AGPAT3: variants seen among roughly 807,000 people sequenced by gnomAD.
AGPAT3 encodes the protein 1-acylglycerol-3-phosphate O-acyltransferase 3, also known as 1-acyl-sn-glycerol-3-phosphate acyltransferase gamma.
A neutral mutation model predicts 47.3 loss-of-function variants in AGPAT3; 5 were observed. That is an observed-to-expected ratio of 0.11 (90% CI 0.06 to 0.22). The LOEUF (loss-of-function observed/expected upper bound fraction) is 0.22. AGPAT3 is among the 10% of genes least tolerant of loss of function. The pLI is 1.00. For missense variants in AGPAT3, 315 were observed against 493.0 expected (o/e 0.64, Z 3.42); for synonymous variants, 212 against 208.3 (o/e 1.02, Z -0.15).
intron 2 of AGPAT3, among the ~76,000 whole-genome samples, chr21:43,936,409 G>A (rs1050615366): frequency 2.6e-5 from 4 of 152,236 alleles, no homozygotes; most frequent in African/African-American, 4.8e-5. Context: ...GCTGTCCTCC[G>A]TGGGGCCAGT....
chr21:43,885,352 A>C (rs2145890871), intron 1 of AGPAT3, among the ~76,000 whole-genome samples: 1 of 150,062 alleles, frequency 6.7e-6, no homozygotes, highest in East Asian at 1.9e-4. Context: ...TTTCAATTAC[A>C]ATTTTTTTTC....
chr21:43,895,265 C>T (rs2086189760), intron 1 of AGPAT3, among the ~76,000 whole-genome samples: 3 of 151,786 alleles, frequency 2.0e-5, no homozygotes, highest in Non-Finnish European at 4.4e-5. Flanking sequence ...CCACCATGCC[C>T]AGCTAATTTT....
At position 43,931,949 on chromosome 21, in the gene AGPAT3, G is replaced by A. The variant is rs1293322810; in HGVS notation, c.-48-27685G>A. 7.3e-5 allele frequency among the ~76,000 whole-genome samples: 11 copies of A among 151,008 alleles called. 1 individual carries two copies. The highest frequency in any genetic ancestry group is 3.0e-5 in the Non-Finnish European group (2 of 67,676). On this transcript the variant is annotated intron_variant, in intron 2 of 9. Transcript: ENST00000291572. ...TGTGTGTGTGTGTGTGTGTGTGTGT[G>A]TGTGTGTGTGTGTGTGTCTACCTAC...
chr21:43,973,369 A>G (rs2089474918), intron 7 of AGPAT3, among the ~76,000 whole-genome samples: 1 of 152,184 alleles, frequency 6.6e-6, no homozygotes, highest in Admixed American at 6.5e-5. Context: ...CCTGTGCCAG[A>G]TCCTGGCCAC....
rs1291027426 is a variant in AGPAT3 at position 43,987,036 on chromosome 21, GC to G, written c.*4645del. 6.6e-6 allele frequency among the ~76,000 whole-genome samples: 1 copy of G among 152,248 alleles called. No homozygotes were observed. The highest frequency in any genetic ancestry group is 1.5e-5 in the Non-Finnish European group (1 of 68,048). ...CACAGGCAGGTGTGCGCCTGCCCGA[GC>G]GCGAGTAGCTCTTGTGTAGTGGTGA... On this transcript the variant is annotated 3_prime_UTR_variant, in exon 10 of 10. Coordinates refer to ENST00000291572, the MANE Select transcript of AGPAT3 (RefSeq NM_020132.5).
chr21:43,902,028 T>A (rs1601256413), intron 1 of AGPAT3, among the ~76,000 whole-genome samples: 1 of 152,108 alleles, frequency 6.6e-6, no homozygotes, highest in Non-Finnish European at 1.5e-5. Context: ...ATGGCTAGAA[T>A]TTTTCCAGAT....
intron 2 of AGPAT3, among the ~76,000 whole-genome samples, chr21:43,944,013 G>A (rs916544278): frequency 1.3e-5 from 2 of 152,184 alleles, no homozygotes; most frequent in Non-Finnish European, 2.9e-5. Flanking sequence ...CAAGGGTCCC[G>A]GCAGAGCTGG....
At position 43,985,060 on chromosome 21, in the gene AGPAT3, G is replaced by T; in HGVS notation, c.*2668G>T. 1 of 453,516 alleles carries T rather than the reference G, an allele frequency of 2.2e-6. No individual in the cohort carries two copies. The allele number at this position is 453,516 out of a possible 1,614,324, so 28.1% of individuals were successfully genotyped here. A position where few individuals can be genotyped will look rare whatever the true frequency, so the allele number is the denominator to read the frequency against. ...GGCGCCACACTGGAGGCTCCCAGGC[G>T]GGAGGGCCCAGGCCCACCCACGGGC... is the stretch of plus-strand genomic sequence containing the variant. On this transcript the variant is annotated 3_prime_UTR_variant, in exon 10 of 10. Transcript: ENST00000291572.
chr21:43,887,453 AG>A lies in AGPAT3; in HGVS notation c.-111-16503del, dbSNP rs2086005870. Among the ~76,000 whole-genome samples the A allele has an allele frequency of 2.0e-5, 3 of 152,322 alleles. No homozygotes were observed. In the South Asian group the frequency reaches 6.2e-4, roughly 32 times the overall value. ...TCAGGGACTAAGGGTTAATTTTCTT[AG>A]TGTGCTAATTTTATTGTGATGATGA... On this transcript the variant is annotated intron_variant, in intron 1 of 9. Coordinates refer to ENST00000291572, the MANE Select transcript of AGPAT3 (RefSeq NM_020132.5).
intron 2 of AGPAT3, among the ~76,000 whole-genome samples, chr21:43,906,571 G>A (rs544138440): frequency 6.6e-6 from 1 of 152,234 alleles, no homozygotes; most frequent in East Asian, 1.9e-4. Context: ...GGTGGGATGG[G>A]GCGTGATGGG....
intron 8 of AGPAT3, among the ~76,000 whole-genome samples, chr21:43,980,268 TC>T (rs1231447495): frequency 8.3e-6 from 1 of 120,410 alleles, no homozygotes; most frequent in Non-Finnish European, 1.6e-5. Context: ...AGAGTGAGAC[TC>T]CATCTCAAAA....
At chr21:43,916,215 A>C (rs2086725354) in intron 2 of AGPAT3, 1 of 152,214 alleles carries the variant, frequency 6.6e-6, no homozygotes, top group African/African-American at 2.4e-5. Context: ...GTTCTCTCTT[A>C]CCAAGTACAG....
rs1027245802 is a variant in AGPAT3, at chr21:43,952,557, G to A, written c.-48-7077G>A. ...CCTGATCTAAGAAGGTGCACACCCC[G>A]GTAGCTTGTGCAGGGGCCAGGACAA... On this transcript the variant is annotated intron_variant, in intron 2 of 9. Coordinates refer to ENST00000291572, the MANE Select transcript of AGPAT3 (RefSeq NM_020132.5). This position sits in a 1 kb window ranked among gnomAD's most constrained non-coding sequence, Gnocchi z 5.6. Among the ~76,000 whole-genome samples the A allele has an allele frequency of 6.6e-6, 1 of 152,152 alleles. No individual in the cohort carries two copies. The highest frequency in any genetic ancestry group is 6.5e-5 in the Admixed American group (1 of 15,292).
At chr21:43,918,176 T>C (rs2086798032) in intron 2 of AGPAT3, among the ~76,000 whole-genome samples, 5 of 144,456 alleles carry the variant, frequency 3.5e-5, no homozygotes, top group Admixed American at 6.9e-5. Flanking sequence ...GTGGGTGTTG[T>C]GGGAGTTGTG....
chr21:43,956,467 G>C (rs552073224), intron 2 of AGPAT3, among the ~76,000 whole-genome samples: 1 of 152,234 alleles, frequency 6.6e-6, no homozygotes, highest in Admixed American at 6.5e-5. Flanking sequence ...TCTGGAATGC[G>C]TGAGAGGTGT....
intron 1 of AGPAT3, among the ~76,000 whole-genome samples, chr21:43,890,464 G>A (rs901564567): frequency 1.3e-5 from 2 of 152,002 alleles, no homozygotes; most frequent in Admixed American, 6.6e-5. Context: ...CCAGGCTGGA[G>A]TGCAGTGGTG....
intron 1 of AGPAT3, among the ~76,000 whole-genome samples, chr21:43,875,585 C>T (rs1485842480): frequency 6.6e-6 from 1 of 152,250 alleles, no homozygotes; most frequent in Non-Finnish European, 1.5e-5. Context: ...CTATCTTCAT[C>T]TCCATCTACT....
chr21:43,923,844 A>G (rs900727662), intron 2 of AGPAT3, among the ~76,000 whole-genome samples: 1 of 152,084 alleles, frequency 6.6e-6, no homozygotes, highest in Non-Finnish European at 1.5e-5. Flanking sequence ...CCTGAAGTCC[A>G]TTGTACAAGA....
chr21:43,959,029 G>A (rs554613402), intron 2 of AGPAT3, among the ~76,000 whole-genome samples: 2 of 128,596 alleles, frequency 1.6e-5, no homozygotes, highest in East Asian at 2.3e-4. Flanking sequence ...GCAGTGTGGT[G>A]TGTGTGGCAT....
Sources: gnomAD v4.1 joint callset for allele counts (sites outside exome capture counted in the v4.1 genomes callset) on GRCh38, gnomAD v4.1.1 for gene constraint, Gnocchi (gnomAD v3.1) non-coding constraint, MANE v1.5 for transcripts, NCBI Gene and HGNC (gene_info 2026-07-23, HGNC 2026-07-21) for gene names.